The following COX10 variants were observed in gnomAD, a reference collection of about 807,000 sequenced individuals.
COX10 encodes the protein cytochrome c oxidase assembly factor heme A:farnesyltransferase COX10.
In COX10, 27 loss-of-function variants were observed where a neutral mutation model predicts 37.3. The observed-to-expected ratio is 0.72, with a 90% confidence interval of 0.53 to 1.00. COX10 has a LOEUF of 1.00. COX10 is among the 50% of genes least tolerant of loss of function. The pLI, the probability that COX10 is intolerant of heterozygous loss-of-function variation, is 0.00. For synonymous variants in COX10, 222 were observed against 229.1 expected, an observed-to-expected ratio of 0.97 and a Z score of 0.28; for missense variants, 475 against 563.2, an observed-to-expected ratio of 0.84 and a Z score of 1.59.
intron 1 of COX10, 116 bp from the exon 2 acceptor site, chr17:14,074,207 A>C (rs1335750245): frequency 9.3e-7 from 1 of 1,074,444 alleles, no homozygotes; most frequent in East Asian, 2.4e-5. Context: ...GCTCTGACCC[A>C]TCACACAGTG....
intron 5 of COX10, among the ~76,000 whole-genome samples, chr17:14,175,660 G>C (rs528578996): frequency 6.6e-6 from 1 of 152,180 alleles, no homozygotes; most frequent in Non-Finnish European, 1.5e-5. Context: ...GGAGAAGGTA[G>C]AACTTTAGCC....
intron 4 of COX10, among the ~76,000 whole-genome samples, chr17:14,122,298 T>C (rs1393554451): frequency 6.6e-6 from 1 of 152,148 alleles, no homozygotes; most frequent in East Asian, 1.9e-4. Context: ...CAGGCACCAC[T>C]TTGTGATCAG....
At chr17:14,165,362 G>A (rs190161422) in intron 5 of COX10, among the ~76,000 whole-genome samples, 25 of 152,192 alleles carry the variant, frequency 1.6e-4, no homozygotes, top group Middle Eastern at 3.4e-3. Flanking sequence ...TTGATAATTC[G>A]TACAGTATTT....
chr17:14,109,200 T>C (rs1544512), intron 4 of COX10, among the ~76,000 whole-genome samples: 5,364 of 152,220 alleles, frequency 0.035, 143 homozygotes, highest in East Asian at 0.11. Flanking sequence ...TTGAATACCA[T>C]GTGGGAAAGA....
At chr17:14,200,036 G>A (rs1374640721) in intron 6 of COX10, among the ~76,000 whole-genome samples, 1 of 152,162 alleles carries the variant, frequency 6.6e-6, no homozygotes, top group Non-Finnish European at 1.5e-5. Flanking sequence ...GTTCACTGGA[G>A]CTAGGGTTCT....
intron 5 of COX10, among the ~76,000 whole-genome samples, chr17:14,190,455 G>T (rs143666711): frequency 0.021 from 3,138 of 152,272 alleles, 34 homozygotes; most frequent in Middle Eastern, 0.048. Flanking sequence ...GGCAGAATGT[G>T]CACTCAGAAG....
chr17:14,154,771 C>T (rs12449610), intron 4 of COX10, among the ~76,000 whole-genome samples: 88,181 of 151,986 alleles, frequency 0.58, 25,994 homozygotes, highest in East Asian at 0.63. Context: ...GAAATTATTC[C>T]CATTTGCCGC....
chr17:14,118,236 A>G (rs574591959), intron 4 of COX10, among the ~76,000 whole-genome samples: 2 of 151,382 alleles, frequency 1.3e-5, no homozygotes, highest in South Asian at 4.2e-4. Flanking sequence ...ATTTAGGTCC[A>G]TGGACACAGG....
At chr17:14,107,662 T>C (rs975440976) in intron 4 of COX10, among the ~76,000 whole-genome samples, 11 of 145,050 alleles carry the variant, frequency 7.6e-5, no homozygotes, top group African/African-American at 2.9e-4. Flanking sequence ...AGCCTAATTG[T>C]ACTGTTTTAC....
At chr17:14,129,568 A>C (rs919151068) in intron 4 of COX10, among the ~76,000 whole-genome samples, 4 of 152,188 alleles carry the variant, frequency 2.6e-5, no homozygotes, top group African/African-American at 7.2e-5. Context: ...GCTTATATGG[A>C]TAAATCAACT....
intron 4 of COX10, among the ~76,000 whole-genome samples, chr17:14,133,575 T>C (rs1345948301): frequency 6.6e-6 from 1 of 151,622 alleles, no homozygotes. Context: ...ATTTAATAAA[T>C]ATACTTAAAG....
chr17:14,091,132 C>T (rs1012975598), intron 3 of COX10, among the ~76,000 whole-genome samples: 1 of 152,152 alleles, frequency 6.6e-6, no homozygotes, highest in African/African-American at 2.4e-5. Context: ...ACTTGGTCTG[C>T]TTTTCAGTGT....
chr17:14,131,853 C>G (rs1295894772), intron 4 of COX10, among the ~76,000 whole-genome samples: 1 of 151,862 alleles, frequency 6.6e-6, no homozygotes, highest in African/African-American at 2.4e-5. Flanking sequence ...ATTCTGAAGC[C>G]TAAATCAGTA....
chr17:14,093,110 T>C (rs1286521085), intron 3 of COX10, among the ~76,000 whole-genome samples: 1 of 152,206 alleles, frequency 6.6e-6, no homozygotes, highest in Non-Finnish European at 1.5e-5. Flanking sequence ...TAATGAGATA[T>C]AATAGATTAC....
chr17:14,188,468 ATAAAAAT>A (rs1228123818), intron 5 of COX10, among the ~76,000 whole-genome samples: 4 of 151,646 alleles, frequency 2.6e-5, no homozygotes, highest in Admixed American at 2.0e-4. Context: ...GAATTAAAAG[ATAAAAAT>A]TAAAAAAAAA....
At chr17:14,123,777 T>C (rs1041258858) in intron 4 of COX10, among the ~76,000 whole-genome samples, 3 of 152,268 alleles carry the variant, frequency 2.0e-5, no homozygotes, top group Non-Finnish European at 4.4e-5. Context: ...GGAGAAGCAG[T>C]CTCGTGCTCA....
intron 6 of COX10, 122 bp downstream of exon 6, chr17:14,192,343 G>T: frequency 6.2e-7 from 1 of 1,613,712 alleles, no homozygotes; most frequent in East Asian, 2.2e-5. Flanking sequence ...TAGCAAATGT[G>T]CTGATGTGGC....
intron 4 of COX10, among the ~76,000 whole-genome samples, chr17:14,109,704 G>A (rs1429468648): frequency 6.6e-6 from 1 of 152,118 alleles, no homozygotes; most frequent in East Asian, 1.9e-4. Flanking sequence ...TTGGAATCAG[G>A]GTATTCTTTA....
At position 14,074,353 on chromosome 17, in the gene COX10, AAAG is replaced by A. The variant is rs748497811; in HGVS notation, c.80_82del (p.Arg27del). 29 of 1,613,990 alleles carry A rather than the reference AAAG, an allele frequency of 1.8e-5. No individual in the cohort carries two copies. The highest frequency in any genetic ancestry group is 2.7e-5 in the African/African-American group (2 of 74,916). The stretch of plus-strand genomic sequence containing the variant: ...GTAGGAGGCTCTGTCTGGTATCTTG[AAAG>A]AAGAACTATACAGGACTCCCCTCAC... On this transcript the variant is annotated inframe_deletion, in exon 2 of 7. Coordinates refer to ENST00000261643, the MANE Select transcript of COX10 (RefSeq NM_001303.4).
Sources: gnomAD v4.1 joint callset for allele counts (sites outside exome capture counted in the v4.1 genomes callset) on GRCh38, gnomAD v4.1.1 for gene constraint, MANE v1.5 for transcripts, NCBI Gene and HGNC (gene_info 2026-07-23, HGNC 2026-07-21) for gene names.